FUT9: variants seen among roughly 807,000 people sequenced by gnomAD.
FUT9 encodes fucosyltransferase 9.
FUT9 carries 15 observed loss-of-function variants against 29.7 expected under a neutral mutation model. That is an observed-to-expected ratio of 0.51 (90% confidence interval 0.34 to 0.78). The LOEUF (loss-of-function observed/expected upper bound fraction) is 0.78, where lower values mean the gene tolerates loss of function less well. Ranked by LOEUF, FUT9 falls within the 30% of genes least tolerant of loss-of-function variation. The probability of loss-of-function intolerance (pLI) is 0.01; values close to 1 mark genes in which losing one functional copy is unlikely to be tolerated. For synonymous variants in FUT9, 169 were observed against 153.7 expected, an observed-to-expected ratio of 1.10 and a Z score of -0.74; for missense variants, 319 against 425.4, an observed-to-expected ratio of 0.75 and a Z score of 2.20.
intron 1 of FUT9, among the ~76,000 whole-genome samples, chr6:96,097,014 G>T (rs1370338254): frequency 6.6e-6 from 1 of 152,040 alleles, no homozygotes; most frequent in Non-Finnish European, 1.5e-5. Context: ...TCCCATAAGG[G>T]ATAAAGAAAG....
chr6:96,182,676 C>A (rs1160242400), intron 2 of FUT9, among the ~76,000 whole-genome samples: 1 of 152,088 alleles, frequency 6.6e-6, no homozygotes, highest in Non-Finnish European at 1.5e-5. Flanking sequence ...ATTATCCCAG[C>A]ACCATTTGTG....
At chr6:96,073,320 A>G (rs1771093346) in intron 1 of FUT9, among the ~76,000 whole-genome samples, 1 of 151,726 alleles carries the variant, frequency 6.6e-6, no homozygotes, top group Non-Finnish European at 1.5e-5. Flanking sequence ...GTGGTGACAC[A>G]CCCCTGTAGT....
chr6:96,188,091 T>C (rs569035984), intron 2 of FUT9, among the ~76,000 whole-genome samples: 7 of 152,266 alleles, frequency 4.6e-5, no homozygotes, highest in Non-Finnish European at 8.8e-5. Flanking sequence ...TTCCTGGCCG[T>C]TGGCTTCCAG....
At chr6:96,070,746 A>G (rs982235781) in intron 1 of FUT9, among the ~76,000 whole-genome samples, 1 of 152,204 alleles carries the variant, frequency 6.6e-6, no homozygotes, top group Non-Finnish European at 1.5e-5. Flanking sequence ...TCATTATTAT[A>G]AAATTTTGAA....
intron 2 of FUT9, among the ~76,000 whole-genome samples, chr6:96,156,315 G>A (rs1392788612): frequency 6.6e-6 from 1 of 152,048 alleles, no homozygotes; most frequent in Non-Finnish European, 1.5e-5. Context: ...GTTCATTGCT[G>A]GTGATGAAGG....
chr6:96,130,770 T>A (rs938869715), intron 2 of FUT9, among the ~76,000 whole-genome samples: 1 of 152,182 alleles, frequency 6.6e-6, no homozygotes, highest in African/African-American at 2.4e-5. Context: ...GAAAAAGTGA[T>A]CATTATTCTT....
At chr6:96,129,283 AAAAAAAAAACAAAC>A (rs1209859076) in intron 2 of FUT9, among the ~76,000 whole-genome samples, 1,521 of 10,156 alleles carry the variant, frequency 0.15, 112 homozygotes, top group East Asian at 0.46. Context: ...AAAAAAAAAA[AAAAAAAAAACAAAC>A]AACCAGCCAT....
intron 2 of FUT9, among the ~76,000 whole-genome samples, chr6:96,131,884 T>A (rs901687708): frequency 2.0e-5 from 3 of 152,154 alleles, no homozygotes; most frequent in Non-Finnish European, 4.4e-5. Context: ...TAAAATTTAC[T>A]AAATTGCCTA....
chr6:96,146,113 A>G (rs1772562817), intron 2 of FUT9, among the ~76,000 whole-genome samples: 1 of 152,156 alleles, frequency 6.6e-6, no homozygotes, highest in Admixed American at 6.5e-5. Context: ...TGTTGGGATT[A>G]TAGGCATGAG....
chr6:96,089,873 A>G (rs1771382055), intron 1 of FUT9, among the ~76,000 whole-genome samples: 1 of 152,180 alleles, frequency 6.6e-6, no homozygotes, highest in African/African-American at 2.4e-5. Flanking sequence ...AGGTAGAAAT[A>G]ATTTTTATGT....
At chr6:96,093,549 T>A (rs994878584) in intron 1 of FUT9, among the ~76,000 whole-genome samples, 2 of 152,096 alleles carry the variant, frequency 1.3e-5, no homozygotes, top group African/African-American at 4.8e-5. Context: ...AGAAATTACA[T>A]TGAAGAGTTA....
intron 1 of FUT9, among the ~76,000 whole-genome samples, chr6:96,085,173 A>C (rs550646943): frequency 1.3e-5 from 2 of 152,308 alleles, no homozygotes; most frequent in African/African-American, 4.8e-5. Context: ...ACAGGGCACT[A>C]TTTCTGGCAT....
In FUT9 at chr6:96,181,153, C is replaced by T. The variant is rs1287434060; in HGVS notation, c.-8-21995C>T. On this transcript the variant is annotated intron_variant, in intron 2 of 2. Transcript: ENST00000302103. Reference sequence around the variant, plus strand: ...TTACTTATGTGTGTATTTTCAAAATCGTATACAATAAACATTAAGTTAATA... The same window carrying T: ...TTACTTATGTGTGTATTTTCAAAATTGTATACAATAAACATTAAGTTAATA... 4.6e-5 allele frequency among the ~76,000 whole-genome samples: 7 copies of T among 152,060 alleles called. No homozygotes were observed. The East Asian group carries it at 5.8e-4, about 13-fold the overall frequency.
At chr6:96,137,752 T>C (rs1772385302) in intron 2 of FUT9, among the ~76,000 whole-genome samples, 1 of 152,050 alleles carries the variant, frequency 6.6e-6, no homozygotes. Flanking sequence ...GTTTAGTGAA[T>C]AATAATATAT....
In FUT9 at chr6:96,116,463, C is replaced by T. The variant is rs187809996; in HGVS notation, c.-9+2336C>T. Among the ~76,000 whole-genome samples the T allele has an allele frequency of 6.6e-5, 10 of 152,016 alleles. No homozygotes were observed. In the East Asian group the frequency reaches 1.7e-3, roughly 26 times the overall value. On this transcript the variant is annotated intron_variant, in intron 2 of 2. Coordinates refer to ENST00000302103, the MANE Select transcript of FUT9 (RefSeq NM_006581.4). ...CAAGTGAATTGAAAAACATTTTTGA[C>T]ACAAAAAAACAATATGGGAATATTT...
At chr6:96,155,836 T>TG (rs1772774916) in intron 2 of FUT9, among the ~76,000 whole-genome samples, 1 of 152,262 alleles carries the variant, frequency 6.6e-6, no homozygotes, top group African/African-American at 2.4e-5. Flanking sequence ...CCTGACCCCT[T>TG]GATCTTGGAC....
chr6:96,192,562 C>G (rs1773531254), intron 2 of FUT9, among the ~76,000 whole-genome samples: 1 of 152,220 alleles, frequency 6.6e-6, no homozygotes, highest in South Asian at 2.1e-4. Flanking sequence ...AGGACACAAA[C>G]AAATGGAAGA....
At chr6:96,067,670 T>TGCTTTTA (rs1260762150) in intron 1 of FUT9, among the ~76,000 whole-genome samples, 1 of 152,164 alleles carries the variant, frequency 6.6e-6, no homozygotes, top group East Asian at 1.9e-4. Context: ...ATGACTCTGA[T>TGCTTTTA]GCTTTTAGCT....
chr6:96,019,410 C>T (rs1350473606), intron 1 of FUT9, among the ~76,000 whole-genome samples: 1 of 151,620 alleles, frequency 6.6e-6, no homozygotes, highest in Non-Finnish European at 1.5e-5. Flanking sequence ...TTTATAAATT[C>T]ATGTCTCTAT....
Sources: allele counts gnomAD v4.1 joint callset (sites outside exome capture counted in the v4.1 genomes callset), GRCh38; gene constraint gnomAD v4.1.1; transcripts MANE v1.5; gene names NCBI Gene and HGNC (gene_info 2026-07-23, HGNC 2026-07-21).